Variants in AKR1C8 observed in about 807,000 individuals in gnomAD.
AKR1C8 encodes aldo-keto reductase family 1 member C8, also known as aldo-keto reductase family 1 member C-like protein 1.
chr10:5,115,931 TG>T, the AKR1C8 span, among the ~76,000 whole-genome samples: 1 of 152,168 alleles, frequency 6.6e-6, no homozygotes, highest in African/African-American at 2.4e-5. Context: ...TAGCCAGTAT[TG>T]ATGACTACCT....
At chr10:5,182,655 A>C in the AKR1C8 span, among the ~76,000 whole-genome samples, 1 of 152,260 alleles carries the variant, frequency 6.6e-6, no homozygotes, top group African/African-American at 2.4e-5. Context: ...TATGCCTGTA[A>C]TCCTAGCACT....
chr10:5,129,955 G>A, the AKR1C8 span, among the ~76,000 whole-genome samples: 1 of 151,638 alleles, frequency 6.6e-6, no homozygotes, highest in Non-Finnish European at 1.5e-5. Flanking sequence ...ACGAGGAAAG[G>A]ACATAACAAA....
At chr10:5,184,723 T>C in the AKR1C8 span, among the ~76,000 whole-genome samples, 2 of 152,182 alleles carry the variant, frequency 1.3e-5, no homozygotes, top group South Asian at 2.1e-4. Context: ...CTAAAATACA[T>C]GGAAAGCATT....
chr10:5,129,847 A>C, the AKR1C8 span, among the ~76,000 whole-genome samples: 10 of 151,922 alleles, frequency 6.6e-5, no homozygotes, highest in African/African-American at 1.9e-4. Flanking sequence ...ATTCAAAAAG[A>C]AGTTGGTACG....
At chr10:5,158,597 T>G in the AKR1C8 span, 3 of 471,824 alleles carry the variant, frequency 6.4e-6, no homozygotes, top group Non-Finnish European at 1.3e-5. Flanking sequence ...ACATTCTTAT[T>G]ACCACTGTGG....
At chr10:5,123,932 T>G in the AKR1C8 span, 3 of 1,138,240 alleles carry the variant, frequency 2.6e-6, no homozygotes, top group Admixed American at 5.8e-5. Flanking sequence ...AGCATCAAAT[T>G]TGAACTGACA....
chr10:5,133,484 CCT>C, the AKR1C8 span, among the ~76,000 whole-genome samples: 9 of 152,120 alleles, frequency 5.9e-5, no homozygotes, highest in African/African-American at 9.7e-5. Flanking sequence ...TCCTATGATT[CCT>C]CTCTCAGTGA....
At chr10:5,155,875 C>A in the AKR1C8 span, 3 of 365,840 alleles carry the variant, frequency 8.2e-6, no homozygotes, top group South Asian at 6.8e-5. Context: ...CATTTTCATC[C>A]TCATCAGCTT....
chr10:5,160,752 C>T, the AKR1C8 span: 1 of 459,922 alleles, frequency 2.2e-6, no homozygotes, highest in East Asian at 7.0e-5. Flanking sequence ...CTTCTGACCC[C>T]TCCTCCTGCA....
At chr10:5,181,979 A>G in the AKR1C8 span, among the ~76,000 whole-genome samples, 14 of 152,354 alleles carry the variant, frequency 9.2e-5, no homozygotes, top group Non-Finnish European at 1.5e-4. Flanking sequence ...AACAAGAGTT[A>G]ACAAAATAGA....
chr10:5,120,705 T>C, the AKR1C8 span, among the ~76,000 whole-genome samples: 1 of 152,200 alleles, frequency 6.6e-6, no homozygotes, highest in South Asian at 2.1e-4. Flanking sequence ...CGTTCAAAAA[T>C]GTCTTCTCTC....
At chr10:5,132,534 A>G in the AKR1C8 span, 2 of 1,292,230 alleles carry the variant, frequency 1.5e-6, no homozygotes, top group Non-Finnish European at 2.0e-6. Flanking sequence ...AGATCCAGTT[A>G]CAGAATTGTC....
chr10:5,116,320 G>A, the AKR1C8 span, among the ~76,000 whole-genome samples: 1 of 152,050 alleles, frequency 6.6e-6, no homozygotes, highest in Non-Finnish European at 1.5e-5. Context: ...GTGTCTCCCG[G>A]TGGCAGCGTT....
At chr10:5,124,932 G>A in the AKR1C8 span, among the ~76,000 whole-genome samples, 1 of 151,602 alleles carries the variant, frequency 6.6e-6, no homozygotes, top group African/African-American at 2.4e-5. Context: ...GTTTAACCTC[G>A]ATGACATAAA....
At chr10:5,141,668 G>C in the AKR1C8 span, among the ~76,000 whole-genome samples, 2 of 152,108 alleles carry the variant, frequency 1.3e-5, no homozygotes, top group African/African-American at 4.8e-5. Flanking sequence ...CTCTGCATTA[G>C]AACTCTTTAT....
the AKR1C8 span, among the ~76,000 whole-genome samples, chr10:5,134,597 G>A: frequency 6.6e-6 from 1 of 152,024 alleles, no homozygotes; most frequent in Non-Finnish European, 1.5e-5. Flanking sequence ...TTTTCCTAGA[G>A]GTGAAAGTTG....
chr10:5,139,238 T>G, the AKR1C8 span, among the ~76,000 whole-genome samples: 4 of 152,248 alleles, frequency 2.6e-5, no homozygotes, highest in African/African-American at 9.6e-5. Context: ...AGGTAATTTA[T>G]AGATTCAATG....
At chr10:5,158,465 C>T in the AKR1C8 span, 1 of 364,238 alleles carries the variant, frequency 2.7e-6, no homozygotes, top group South Asian at 2.2e-5. Context: ...TACATGGGAA[C>T]AAACTACACC....
chr10:5,121,110 G>T, the AKR1C8 span, among the ~76,000 whole-genome samples: 1 of 151,916 alleles, frequency 6.6e-6, no homozygotes, highest in Admixed American at 6.6e-5. Flanking sequence ...TAAAATCTCT[G>T]TCGGGTGCAA....
Sources: allele counts gnomAD v4.1 joint callset (sites outside exome capture counted in the v4.1 genomes callset), GRCh38; gene constraint gnomAD v4.1.1; transcripts MANE v1.5; gene names NCBI Gene and HGNC (gene_info 2026-07-23, HGNC 2026-07-21).